The following SSH2 variants were observed in gnomAD, a reference collection of about 807,000 sequenced individuals.
The protein encoded by SSH2 is protein phosphatase Slingshot homolog 2.
Under a neutral mutation model 135.2 loss-of-function variants are expected in SSH2, and 37 were observed. The observed-to-expected ratio is 0.27, with a 90% CI of 0.21 to 0.36. The LOEUF (loss-of-function observed/expected upper bound fraction) is 0.36. Ranked by LOEUF, SSH2 falls within the 10% of genes least tolerant of loss-of-function variation. The pLI is 1.00. For synonymous variants in SSH2, 628 were observed against 646.2 expected (o/e 0.97, Z 0.43); for missense variants, 1,408 against 1,765.3 (o/e 0.80, Z 3.63).
chr17:29,834,610 T>A (rs763025494), intron 2 of SSH2, among the ~76,000 whole-genome samples: 12 of 152,138 alleles, frequency 7.9e-5, no homozygotes, highest in Admixed American at 2.0e-4. Flanking sequence ...AATTTAGCAA[T>A]GTTTTCTTTT....
At chr17:29,643,286 C>G (rs1355033913) in intron 14 of SSH2, 1 of 985,192 alleles carries the variant, frequency 1.0e-6, no homozygotes, top group Non-Finnish European at 1.2e-6. Context: ...ATTGCAGACC[C>G]TAACAGCTAT....
intron 4 of SSH2, among the ~76,000 whole-genome samples, chr17:29,698,041 T>TAC (rs1367496191): frequency 6.6e-6 from 1 of 152,242 alleles, no homozygotes; most frequent in Non-Finnish European, 1.5e-5. Context: ...ATACATACTA[T>TAC]ACCATGGATG....
chr17:29,807,163 T>C (rs998323707), intron 2 of SSH2, among the ~76,000 whole-genome samples: 5 of 152,202 alleles, frequency 3.3e-5, no homozygotes, highest in African/African-American at 1.2e-4. Flanking sequence ...GCAACACCGA[T>C]TACTTAACAA....
At chr17:29,653,828 T>A (rs2036678534) in intron 12 of SSH2, among the ~76,000 whole-genome samples, 1 of 152,158 alleles carries the variant, frequency 6.6e-6, no homozygotes, top group Admixed American at 6.5e-5. Context: ...CCTCAAGTGG[T>A]CCACCTGCCT....
intron 1 of SSH2, among the ~76,000 whole-genome samples, chr17:29,861,467 T>C (rs941051974): frequency 2.0e-5 from 3 of 152,206 alleles, no homozygotes; most frequent in Non-Finnish European, 4.4e-5. Flanking sequence ...GCAACCTTAA[T>C]TTCTCGTTTA....
chr17:29,889,243 T>C (rs1460130827), intron 1 of SSH2, among the ~76,000 whole-genome samples: 2 of 151,826 alleles, frequency 1.3e-5, no homozygotes, highest in Non-Finnish European at 2.9e-5. Flanking sequence ...GGTCAGGAAT[T>C]TGAAACCAGC....
chr17:29,889,897 T>G (rs963581403), intron 1 of SSH2, among the ~76,000 whole-genome samples: 1 of 149,694 alleles, frequency 6.7e-6, no homozygotes, highest in African/African-American at 2.5e-5. Flanking sequence ...AGTGTGAGGC[T>G]GCAGTGAGCT....
intron 2 of SSH2, among the ~76,000 whole-genome samples, chr17:29,845,405 A>G (rs1312817887): frequency 6.6e-6 from 1 of 152,188 alleles, no homozygotes; most frequent in African/African-American, 2.4e-5. Context: ...GGGGAAAAAA[A>G]GGTGTGGGAA....
At chr17:29,708,950 T>C (rs1452858856) in intron 3 of SSH2, among the ~76,000 whole-genome samples, 2 of 146,892 alleles carry the variant, frequency 1.4e-5, no homozygotes, top group African/African-American at 5.0e-5. Flanking sequence ...CTCTTTGCCA[T>C]AGATTGCTTG....
chr17:29,761,887 A>ATATTTT, intron 3 of SSH2, among the ~76,000 whole-genome samples: 1 of 143,658 alleles, frequency 7.0e-6, no homozygotes, highest in Admixed American at 6.8e-5. Flanking sequence ...ATATATATAT[A>ATATTTT]TTTTTTTTTG....
chr17:29,698,884 A>G (rs1376297649), intron 4 of SSH2, among the ~76,000 whole-genome samples: 1 of 152,146 alleles, frequency 6.6e-6, no homozygotes, highest in Non-Finnish European at 1.5e-5. Context: ...CTTCTGGAGG[A>G]GAACCCTAAA....
intron 1 of SSH2, among the ~76,000 whole-genome samples, chr17:29,917,464 T>C (rs1465565228): frequency 1.3e-5 from 2 of 152,176 alleles, no homozygotes; most frequent in African/African-American, 4.8e-5. Flanking sequence ...TCCCCACCAG[T>C]CTTGTAAATT....
rs377674580 is a variant in SSH2 at position 29,631,399 on chromosome 17, G to A, written c.3795C>T (p.Ile1265=). ...PGVVKERAKE[I]ESRVVFQAGL... ...CTGCCTGGAAAACCACTCGAGACTC[G>A]ATTTCTTTAGCACGCTCCTTCACCA... The change falls in exon 16 of 16, where the codon ATC becomes ATT. Residue 1265 remains isoleucine (I), a synonymous_variant. Transcript: ENST00000540801. 8 of 1,614,002 alleles carry A rather than the reference G, an allele frequency of 5.0e-6. No homozygotes were observed. The highest frequency in any genetic ancestry group is 1.1e-5 in the South Asian group (1 of 91,078).
rs566214650 is a variant in SSH2 at position 29,919,117 on chromosome 17, T to C, written c.63+10821A>G. On this transcript the variant is annotated intron_variant, in intron 1 of 15. Coordinates refer to ENST00000540801, the MANE Select transcript of SSH2 (RefSeq NM_001282129.2). Reference sequence around the variant, plus strand: ...CTGTAATCTACTGACCTATTTAATATCAATCTTTCTACTTCTACTGTAAGC... The same window carrying C: ...CTGTAATCTACTGACCTATTTAATACCAATCTTTCTACTTCTACTGTAAGC... Among the ~76,000 whole-genome samples the C allele has an allele frequency of 1.2e-3, 179 of 152,240 alleles. 1 individual carries two copies. Among genetic ancestry groups the C allele is most frequent in the East Asian group, 1.7e-3 (9 of 5,186 alleles).
At chr17:29,686,666 G>A (rs1287121979) in intron 5 of SSH2, among the ~76,000 whole-genome samples, 1 of 149,366 alleles carries the variant, frequency 6.7e-6, no homozygotes, top group Non-Finnish European at 1.5e-5. Context: ...ACTGCACCCA[G>A]CCTTTTCTTT....
At position 29,655,544 on chromosome 17, in the gene SSH2, T is replaced by C. The variant is rs2036747666; in HGVS notation, c.1079+17A>G. 2 of 1,613,710 alleles carry C rather than the reference T, an allele frequency of 1.2e-6. No homozygotes were observed. Among genetic ancestry groups the C allele is most frequent in the East Asian group, 2.2e-5 (1 of 44,886 alleles). ...TTCTGTTACACAGGGGTGCCAGCTA[T>C]TGCTTTGTGTGCTTACCCTCGGTTC... On this transcript the variant is annotated intron_variant, in intron 12 of 15. Coordinates refer to ENST00000540801, the MANE Select transcript of SSH2 (RefSeq NM_001282129.2).
At chr17:29,774,047 G>T (rs2041644578) in intron 3 of SSH2, among the ~76,000 whole-genome samples, 1 of 152,130 alleles carries the variant, frequency 6.6e-6, no homozygotes, top group Non-Finnish European at 1.5e-5. Flanking sequence ...TATGCATAAG[G>T]AGCATATACA....
At position 29,738,703 on chromosome 17, in the gene SSH2, G is replaced by A. The variant is rs982350389; in HGVS notation, c.189-35641C>T. On this transcript the variant is annotated intron_variant, in intron 3 of 15. Coordinates refer to ENST00000540801, the MANE Select transcript of SSH2 (RefSeq NM_001282129.2). ...CAAGTAGCTGGGACTACAGGTGCCC[G>A]CCACCATGCCCGGCTAATTTTTTTG... 8.0e-4 allele frequency among the ~76,000 whole-genome samples: 121 copies of A among 151,944 alleles called. 1 individual carries two copies. The highest frequency in any genetic ancestry group is 2.4e-4 in the Non-Finnish European group (16 of 67,928).
At chr17:29,917,169 C>T (rs915097318) in intron 1 of SSH2, among the ~76,000 whole-genome samples, 12 of 151,826 alleles carry the variant, frequency 7.9e-5, no homozygotes, top group Non-Finnish European at 1.8e-4. Context: ...GCTGCCATGT[C>T]TTAGATAACA....
Sources: allele counts gnomAD v4.1 joint callset (sites outside exome capture counted in the v4.1 genomes callset), GRCh38; gene constraint gnomAD v4.1.1; transcripts MANE v1.5; gene names NCBI Gene and HGNC (gene_info 2026-07-23, HGNC 2026-07-21).